The following TAFA2 variants were observed in gnomAD, a reference collection of about 807,000 sequenced individuals.
TAFA2 encodes the protein TAFA chemokine like family member 2.
A neutral mutation model predicts 18.8 loss-of-function variants in TAFA2; 7 were observed. The observed-to-expected ratio is 0.37, with a 90% confidence interval of 0.21 to 0.70. TAFA2 has a LOEUF of 0.70. TAFA2 is among the 30% of genes least tolerant of loss of function. TAFA2 has a pLI of 0.53. For missense variants in TAFA2, 122 were observed against 158.1 expected (o/e 0.77, Z 1.23); for synonymous variants, 60 against 54.2 (o/e 1.11, Z -0.47).
intron 1 of TAFA2, among the ~76,000 whole-genome samples, chr12:61,914,576 C>T (rs948854309): frequency 6.6e-6 from 1 of 152,198 alleles, no homozygotes; most frequent in African/African-American, 2.4e-5. Context: ...AACTACCTAA[C>T]AGCAAATGTT....
chr12:62,167,004 T>TA (rs1047430989), intron 1 of TAFA2, among the ~76,000 whole-genome samples: 21 of 151,994 alleles, frequency 1.4e-4, no homozygotes, highest in African/African-American at 2.4e-5. Context: ...CATGCAGCTG[T>TA]AAAAAAATGA....
At chr12:62,079,498 CAA>C (rs368325566) in intron 1 of TAFA2, among the ~76,000 whole-genome samples, 14 of 109,262 alleles carry the variant, frequency 1.3e-4, no homozygotes, top group African/African-American at 1.9e-4. Context: ...ACTAAAAATA[CAA>C]AAAAAAAAAA....
chr12:61,838,769 G>C (rs1372000314), intron 2 of TAFA2, among the ~76,000 whole-genome samples: 1 of 152,060 alleles, frequency 6.6e-6, no homozygotes, highest in Non-Finnish European at 1.5e-5. Context: ...AGAGTGGAGT[G>C]AGGGGCAGCA....
chr12:62,159,034 A>G (rs1334473171), intron 1 of TAFA2, among the ~76,000 whole-genome samples: 1 of 152,220 alleles, frequency 6.6e-6, no homozygotes, highest in African/African-American at 2.4e-5. Context: ...AATTAAATAT[A>G]GAGTTCCAAA....
Position 61,844,823 on chromosome 12 carries a change from T to C in TAFA2, c.106+22497A>G, listed in dbSNP as rs1330409229. 2.6e-5 allele frequency among the ~76,000 whole-genome samples: 4 copies of C among 152,148 alleles called. 1 individual carries two copies. The highest frequency in any genetic ancestry group is 5.9e-5 in the Non-Finnish European group (4 of 68,008). The stretch of plus-strand genomic sequence containing the variant: ...CACTAGCTGTTTTCCCAACCATAGA[T>C]GGTATGTTGTTGTCTGCCTTGAAAA... On this transcript the variant is annotated intron_variant, in intron 2 of 4. Coordinates refer to ENST00000416284, the MANE Select transcript of TAFA2 (RefSeq NM_178539.5).
chr12:61,917,785 T>C (rs1391598348), intron 1 of TAFA2, among the ~76,000 whole-genome samples: 1 of 152,194 alleles, frequency 6.6e-6, no homozygotes, highest in Non-Finnish European at 1.5e-5. Flanking sequence ...CCACAGATCT[T>C]ATGGCCCAAG....
chr12:62,069,021 C>T (rs1229112675), intron 1 of TAFA2, among the ~76,000 whole-genome samples: 1 of 152,116 alleles, frequency 6.6e-6, no homozygotes, highest in Non-Finnish European at 1.5e-5. Flanking sequence ...CATATCCTCT[C>T]TAGAAATAAA....
chr12:62,018,324 T>C (rs1881006084), intron 1 of TAFA2, among the ~76,000 whole-genome samples: 1 of 152,220 alleles, frequency 6.6e-6, no homozygotes, highest in South Asian at 2.1e-4. Context: ...ATTATTCTCC[T>C]TCATCTTTCC....
intron 1 of TAFA2, among the ~76,000 whole-genome samples, chr12:62,038,634 C>T (rs1001438263): frequency 7.2e-5 from 11 of 151,854 alleles, no homozygotes; most frequent in African/African-American, 2.7e-4. Flanking sequence ...CCACAGATAC[C>T]AAGAGACGAC....
chr12:61,727,158 A>G (rs1406803935), intron 4 of TAFA2, among the ~76,000 whole-genome samples: 1 of 151,984 alleles, frequency 6.6e-6, no homozygotes, highest in Non-Finnish European at 1.5e-5. Flanking sequence ...TTTTGCATCT[A>G]TGTTCATCAA....
chr12:62,092,178 A>C (rs1290991010), intron 1 of TAFA2, among the ~76,000 whole-genome samples: 1 of 151,980 alleles, frequency 6.6e-6, no homozygotes, highest in Non-Finnish European at 1.5e-5. Context: ...AGAGCATGGG[A>C]ACCAGCTCTT....
intron 1 of TAFA2, among the ~76,000 whole-genome samples, chr12:61,969,332 ACT>A (rs968616112): frequency 2.0e-5 from 3 of 151,714 alleles, no homozygotes; most frequent in African/African-American, 7.3e-5. Flanking sequence ...CATTAGTGAG[ACT>A]CTGTAAAGAA....
chr12:61,904,436 T>A (rs561009427), intron 1 of TAFA2, among the ~76,000 whole-genome samples: 1 of 152,286 alleles, frequency 6.6e-6, no homozygotes, highest in South Asian at 2.1e-4. Flanking sequence ...GCATATTACA[T>A]GTTTCCTTCA....
intron 1 of TAFA2, among the ~76,000 whole-genome samples, chr12:62,188,264 A>G (rs1212790743): frequency 6.6e-6 from 1 of 151,598 alleles, no homozygotes; most frequent in Non-Finnish European, 1.5e-5. Flanking sequence ...TGCATTGCAC[A>G]GTAAGGTTCC....
intron 1 of TAFA2, among the ~76,000 whole-genome samples, chr12:62,012,282 A>T (rs536441555): frequency 1.3e-5 from 2 of 152,228 alleles, no homozygotes; most frequent in South Asian, 4.1e-4. Flanking sequence ...TTCATAAAGG[A>T]AATATAGAAA....
rs535063248 is a variant in TAFA2 at position 62,220,879 on chromosome 12, C to A, written c.-130+37884G>T. 4.1e-4 allele frequency among the ~76,000 whole-genome samples: 63 copies of A among 152,018 alleles called. 1 individual carries two copies. In the East Asian group the frequency reaches 0.012, roughly 29 times the overall value. On this transcript the variant is annotated intron_variant, in intron 1 of 5. Transcript: ENST00000551619. ...GACCAGCACTTTGGTGAGGCCGAGG[C>A]GGGCGGATCACGAGGTCAGGAGTCG...
chr12:61,795,687 G>C, intron 2 of TAFA2, among the ~76,000 whole-genome samples: 1 of 150,620 alleles, frequency 6.6e-6, no homozygotes, highest in East Asian at 2.0e-4. Context: ...TAACAAACCT[G>C]CATGTTGTGA....
At chr12:62,230,369 A>G (rs1415138537) in intron 1 of TAFA2, among the ~76,000 whole-genome samples, 3 of 152,022 alleles carry the variant, frequency 2.0e-5, no homozygotes, top group Non-Finnish European at 2.9e-5. Flanking sequence ...CCCTCTTAGT[A>G]CTGCTTTTAC....
intron 4 of TAFA2, among the ~76,000 whole-genome samples, chr12:61,726,839 G>C (rs1398313119): frequency 6.6e-6 from 1 of 151,922 alleles, no homozygotes; most frequent in Non-Finnish European, 1.5e-5. Flanking sequence ...ACTCCTCCCT[G>C]TTCAGTATAA....
Sources: gnomAD v4.1 joint callset for allele counts (sites outside exome capture counted in the v4.1 genomes callset) on GRCh38, gnomAD v4.1.1 for gene constraint, MANE v1.5 for transcripts, NCBI Gene and HGNC (gene_info 2026-07-23, HGNC 2026-07-21) for gene names.